CABIN1: variants seen among roughly 807,000 people sequenced by gnomAD.
CABIN1 encodes the protein calcineurin-binding protein cabin-1.
Under a neutral mutation model 227.7 loss-of-function variants are expected in CABIN1, and 133 were observed. The observed-to-expected ratio is 0.58, with a 90% CI of 0.51 to 0.67. The LOEUF is 0.67. Ranked by LOEUF, CABIN1 falls within the 30% of genes least tolerant of loss-of-function variation. The pLI is 0.00. For missense variants in CABIN1, 2,408 were observed against 2,852.5 expected (o/e 0.84, Z 3.55); for synonymous variants, 1,086 against 1,155.1 (o/e 0.94, Z 1.21).
intron 26 of CABIN1, among the ~76,000 whole-genome samples, chr22:24,104,987 C>T (rs1398772629): frequency 6.6e-6 from 1 of 152,140 alleles, no homozygotes; most frequent in Non-Finnish European, 1.5e-5. Flanking sequence ...ACTGCTGGAG[C>T]AAATGGAGGA....
At position 24,141,601 on chromosome 22, in the gene CABIN1, C is replaced by G. The variant is rs558126921; in HGVS notation, c.4746+7186C>G. Among the ~76,000 whole-genome samples the G allele has an allele frequency of 2.0e-3, 299 of 152,270 alleles. 2 individuals are homozygous for G. Among genetic ancestry groups the G allele is most frequent in the African/African-American group, 6.9e-3 (286 of 41,550 alleles). ...CTCCCACCAGCCCTTGCCCCACCCCCTCCCAGGACTCAGAACCACAGATGA... is the reference window on the plus strand; with the variant it reads ...CTCCCACCAGCCCTTGCCCCACCCCGTCCCAGGACTCAGAACCACAGATGA... On this transcript the variant is annotated intron_variant, in intron 29 of 36. Transcript: ENST00000263119.
chr22:24,153,792 T>C (rs1252103859), intron 29 of CABIN1, among the ~76,000 whole-genome samples: 3 of 152,056 alleles, frequency 2.0e-5, no homozygotes, highest in African/African-American at 4.8e-5. Flanking sequence ...GGGAGCAACA[T>C]TCTCCCAGGG....
intron 3 of CABIN1, among the ~76,000 whole-genome samples, chr22:24,037,303 TTTTG>T (rs908048342): frequency 9.4e-5 from 14 of 149,186 alleles, no homozygotes; most frequent in Non-Finnish European, 2.1e-4. Context: ...GGAAACCAGC[TTTTG>T]TTTGTTTATT....
At chr22:24,161,826 C>T (rs990618469) in intron 29 of CABIN1, among the ~76,000 whole-genome samples, 18 of 152,088 alleles carry the variant, frequency 1.2e-4, no homozygotes, top group African/African-American at 3.4e-4. Flanking sequence ...CTGTGTGGGC[C>T]GTGGTGAGGA....
intron 1 of CABIN1, among the ~76,000 whole-genome samples, chr22:24,027,379 T>C (rs2036170216): frequency 6.6e-6 from 1 of 152,250 alleles, no homozygotes; most frequent in East Asian, 1.9e-4. Context: ...TTTCTTGCCT[T>C]AACGTAGTAG....
At chr22:24,169,287 C>T (rs1044775304) in intron 33 of CABIN1, among the ~76,000 whole-genome samples, 1 of 152,126 alleles carries the variant, frequency 6.6e-6, no homozygotes, top group Admixed American at 6.5e-5. Flanking sequence ...TGAGTAGGTG[C>T]AGTCTTTTGT....
Position 24,060,104 on chromosome 22 carries a change from A to G in CABIN1, c.1580A>G (p.Asn527Ser). ...SWRRHSTSLP[N>S]PLLRDCSNKH... ...AGGAGGCACAGCACCAGCCTGCCCA[A>G]CCCGCTGCTGAGGGACTGCAGCAAC... Residue 527 changes from asparagine (N) to serine (S), a missense_variant, in exon 12 of 37, where the codon AAC becomes AGC. By Grantham distance (46) the Asn-to-Ser change is conservative. Coordinates refer to ENST00000263119, the MANE Select transcript of CABIN1 (RefSeq NM_012295.4). 1 of 1,613,912 alleles carries G rather than the reference A, an allele frequency of 6.2e-7. No individual in the cohort carries two copies. Among genetic ancestry groups the G allele is most frequent in the Non-Finnish European group, 8.5e-7 (1 of 1,180,012 alleles).
intron 26 of CABIN1, 53 bp downstream of exon 26, chr22:24,098,245 G>T (rs575527711): frequency 1.2e-6 from 2 of 1,612,600 alleles, no homozygotes; most frequent in Non-Finnish European, 1.7e-6. Flanking sequence ...TCAATCACGG[G>T]GGGGTGCTCG....
intron 16 of CABIN1, among the ~76,000 whole-genome samples, chr22:24,067,395 C>T (rs2039763507): frequency 6.6e-6 from 1 of 152,000 alleles, no homozygotes; most frequent in South Asian, 2.1e-4. Flanking sequence ...TAGGGTTCTG[C>T]GTGGCTCAGG....
At position 24,177,561 on chromosome 22, in the gene CABIN1, A is replaced by C; in HGVS notation, c.6263A>C (p.Glu2088Ala). ...RDGEAQEAAS[E>A]TQPLSSPPTA... ...GGGGAGGCTCAGGAGGCTGCGAGTG[A>C]GACTCAGCCCCTGAGCTCTCCCCCA... The change falls in exon 36 of 37, where the codon GAG (glutamate) becomes GCG (alanine). Residue 2088 changes from glutamate (E) to alanine (A), a missense_variant. Transcript: ENST00000263119. The surrounding 1 kb of genome is among the most constrained non-coding windows in gnomAD (Gnocchi z 4.4). The C allele has an allele frequency of 6.3e-7, 1 of 1,585,390 alleles. No homozygotes were observed. The highest frequency in any genetic ancestry group is 8.6e-7 in the Non-Finnish European group (1 of 1,160,916).
chr22:24,134,355 A>G lies in CABIN1; in HGVS notation c.4686A>G (p.Gln1562=), dbSNP rs1185071047. The G allele has an allele frequency of 1.2e-6, 2 of 1,614,212 alleles. No individual in the cohort carries two copies. The highest frequency in any genetic ancestry group is 1.7e-6 in the Non-Finnish European group (2 of 1,180,030). The change falls in exon 29 of 37, where the codon CAA becomes CAG. Residue 1562 remains glutamine (Q), a synonymous_variant. Transcript: ENST00000263119. ...VLLGSSIPWQ[Q]LQHMPAQGLF... ...TAGGCAGCAGTATCCCGTGGCAACA[A>G]CTGCAGCACATGCCGGCACAGGGGC...
intron 19 of CABIN1, among the ~76,000 whole-genome samples, chr22:24,079,562 C>T (rs1321663329): frequency 8.5e-5 from 13 of 152,140 alleles, no homozygotes; most frequent in Admixed American, 7.9e-4. Flanking sequence ...GCCCTAGGTA[C>T]AGTAGACTTA....
intron 29 of CABIN1, among the ~76,000 whole-genome samples, chr22:24,163,599 G>T (rs1012621814): frequency 6.6e-6 from 1 of 152,124 alleles, no homozygotes; most frequent in African/African-American, 2.4e-5. Context: ...CTTATTCCAG[G>T]CCCCTGAGGT....
chr22:24,100,017 G>T (rs995499006), intron 26 of CABIN1, among the ~76,000 whole-genome samples: 45 of 152,374 alleles, frequency 3.0e-4, no homozygotes, highest in African/African-American at 1.0e-3. Flanking sequence ...GATCACTCAG[G>T]CATGACAACT....
At chr22:24,033,128 CA>C (rs1476099215) in intron 1 of CABIN1, among the ~76,000 whole-genome samples, 9 of 152,116 alleles carry the variant, frequency 5.9e-5, no homozygotes, top group Admixed American at 5.9e-4. Context: ...TTTTGATTAG[CA>C]GTATTCTTTT....
intron 23 of CABIN1, 115 bp downstream of exon 23, chr22:24,087,828 G>A: frequency 2.2e-6 from 3 of 1,359,690 alleles, no homozygotes; most frequent in Non-Finnish European, 3.1e-6. Context: ...ATCCATGCTG[G>A]GAGCTCACTG....
At chr22:24,099,017 T>C (rs1378188050) in intron 26 of CABIN1, among the ~76,000 whole-genome samples, 2 of 152,032 alleles carry the variant, frequency 1.3e-5, no homozygotes, top group Admixed American at 1.3e-4. Context: ...AGTAGGTGGG[T>C]AGAATTGGTC....
At chr22:24,134,600 G>A (rs957238272) in intron 29 of CABIN1, among the ~76,000 whole-genome samples, 185 bp downstream of exon 29, 3 of 152,278 alleles carry the variant, frequency 2.0e-5, no homozygotes, top group East Asian at 3.9e-4. Flanking sequence ...ATTGCTGAGC[G>A]ACTTCTGGCA....
chr22:24,065,970 G>T (rs2039642650), intron 15 of CABIN1, among the ~76,000 whole-genome samples: 1 of 152,248 alleles, frequency 6.6e-6, no homozygotes. Flanking sequence ...TCCAGCTTCG[G>T]CTTGGCATCA....
Sources: gnomAD v4.1 joint callset for allele counts (sites outside exome capture counted in the v4.1 genomes callset) on GRCh38, gnomAD v4.1.1 for gene constraint, Gnocchi (gnomAD v3.1) non-coding constraint, MANE v1.5 for transcripts, NCBI Gene and HGNC (gene_info 2026-07-23, HGNC 2026-07-21) for gene names.